The following FKBP15 variants were observed in gnomAD, a reference collection of about 807,000 sequenced individuals.
FKBP15 encodes the protein FKBP prolyl isomerase family member 15.
A neutral mutation model predicts 158.1 loss-of-function variants in FKBP15; 106 were observed. That is an observed-to-expected ratio of 0.67 (90% CI 0.57 to 0.79). The LOEUF is 0.79. Among genes scored for constraint, FKBP15 ranks in the 30% least tolerant of loss-of-function variants. The pLI is 0.00. For missense variants in FKBP15, 1,287 were observed against 1,479.1 expected (o/e 0.87, Z 2.13); for synonymous variants, 547 against 548.6 (o/e 1.00, Z 0.04).
intron 19 of FKBP15, among the ~76,000 whole-genome samples, chr9:113,180,485 G>A (rs530258450): frequency 1.0e-5 from 1 of 97,960 alleles, no homozygotes; most frequent in African/African-American, 3.5e-5. Context: ...CAAGTGAGAA[G>A]GGAAAACACA....
At chr9:113,213,727 C>T (rs1031324392) in intron 1 of FKBP15, among the ~76,000 whole-genome samples, 1 of 152,052 alleles carries the variant, frequency 6.6e-6, no homozygotes, top group African/African-American at 2.4e-5. Flanking sequence ...AGAGTTCCTA[C>T]CAAGAAGAAG....
chr9:113,218,218 C>T (rs901856999), intron 1 of FKBP15, among the ~76,000 whole-genome samples: 40 of 151,930 alleles, frequency 2.6e-4, no homozygotes, highest in African/African-American at 9.6e-4. Context: ...ACAACAATAG[C>T]ACATAGGCAG....
intron 9 of FKBP15, among the ~76,000 whole-genome samples, chr9:113,196,237 T>C (rs1177304473): frequency 1.3e-5 from 2 of 152,084 alleles, no homozygotes; most frequent in African/African-American, 4.8e-5. Flanking sequence ...TAGTAAAACG[T>C]ACACACACAC....
At position 113,184,212 on chromosome 9, in the gene FKBP15, G is replaced by A. The variant is rs1404763971; in HGVS notation, c.1716+80C>T. The A allele has an allele frequency of 2.2e-6, 2 of 903,834 alleles. No homozygotes were observed. Among genetic ancestry groups the A allele is most frequent in the South Asian group, 1.5e-5 (1 of 66,956 alleles). 56.0% of individuals were successfully genotyped at this position (903,834 alleles called of 1,614,324 possible). A position where few individuals can be genotyped will look rare whatever the true frequency, so the allele number is the denominator to read the frequency against. ...TATCACAGGCTATTTCTGGGGTGGA[G>A]GTGTTAAAGAGTAGTACCTCTGAGA... On this transcript the variant is annotated intron_variant, in intron 17 of 27. Coordinates refer to ENST00000238256, the MANE Select transcript of FKBP15 (RefSeq NM_015258.2). The surrounding 1 kb of genome is among the most constrained non-coding windows in gnomAD (Gnocchi z 4.5).
chr9:113,173,736 T>A, intron 22 of FKBP15, 131 bp from the exon 23 acceptor site: 2 of 879,756 alleles, frequency 2.3e-6, no homozygotes, highest in Non-Finnish European at 1.7e-6. Flanking sequence ...GGAAACTGTT[T>A]AAAAGACTCA....
At chr9:113,217,031 G>A (rs1373895894) in intron 1 of FKBP15, among the ~76,000 whole-genome samples, 1 of 150,126 alleles carries the variant, frequency 6.7e-6, no homozygotes, top group Non-Finnish European at 1.5e-5. Flanking sequence ...AGCCTCCTGA[G>A]CACCCGAGAT....
Position 113,162,841 on chromosome 9 carries a change from C to T in FKBP15, c.*3237G>A. ...ATGCTGGCCGTAATGTCCTACAACACCTGGATTTTCCTTGGTGTGGTCTTG... is the reference window on the plus strand; with the variant it reads ...ATGCTGGCCGTAATGTCCTACAACATCTGGATTTTCCTTGGTGTGGTCTTG... On this transcript the variant is annotated 3_prime_UTR_variant, in exon 28 of 28. Transcript: ENST00000238256. 1 of 1,613,744 alleles carries T rather than the reference C, an allele frequency of 6.2e-7. No individual in the cohort carries two copies. The highest frequency in any genetic ancestry group is 8.5e-7 in the Non-Finnish European group (1 of 1,179,838).
chr9:113,175,185 ACT>A (rs2118871762), intron 21 of FKBP15, among the ~76,000 whole-genome samples: 1 of 152,072 alleles, frequency 6.6e-6, no homozygotes, highest in East Asian at 1.9e-4. Flanking sequence ...GAATGGATAT[ACT>A]CTCTTTGGAT....
rs4184 is a variant in FKBP15 at position 113,165,734 on chromosome 9, AGAG to A, written c.*341_*343del. Reference sequence around the variant, plus strand: ...GCACAGTTGAGCACTGGATTCAGGTAGAGGAGGGCTCCCAGGTCAGTCTGAGAG... The same window carrying A: ...GCACAGTTGAGCACTGGATTCAGGTAGAGGGCTCCCAGGTCAGTCTGAGAG... On this transcript the variant is annotated 3_prime_UTR_variant, in exon 28 of 28. Coordinates refer to ENST00000238256, the MANE Select transcript of FKBP15 (RefSeq NM_015258.2). 0.31 allele frequency: 66,277 copies of A among 213,748 alleles called. 10,746 individuals are homozygous for A. The highest frequency in any genetic ancestry group is 0.34 in the Middle Eastern group (173 of 506). The allele number at this position is 213,748 out of a possible 1,614,324, so 13.2% of individuals were successfully genotyped here.
At position 113,163,267 on chromosome 9, in the gene FKBP15, G is replaced by A. The variant is rs1481992179; in HGVS notation, c.*2811C>T. The A allele has an allele frequency of 4.7e-5, 8 of 168,780 alleles. No individual in the cohort carries two copies. The East Asian group carries it at 1.2e-3, about 25-fold the overall frequency. The allele number at this position is 168,780 out of a possible 1,614,324, so 10.5% of individuals were successfully genotyped here. A position where few individuals can be genotyped will look rare whatever the true frequency, so the allele number is the denominator to read the frequency against. On this transcript the variant is annotated 3_prime_UTR_variant, in exon 28 of 28. Transcript: ENST00000238256. ...CCAAAGATTTCAAGCCAGGGAGAAG[G>A]GTTCTTGGTGATGCAGGGCATGGAA...
intron 24 of FKBP15, among the ~76,000 whole-genome samples, chr9:113,170,872 T>C (rs1301918234): frequency 6.6e-6 from 1 of 152,176 alleles, no homozygotes; most frequent in African/African-American, 2.4e-5. Flanking sequence ...AGCTGTGGTC[T>C]GTGTGCCCAA....
intron 4 of FKBP15, 35 bp from the exon 5 acceptor site, chr9:113,203,070 A>T (rs1376136857): frequency 8.1e-7 from 1 of 1,227,396 alleles, no homozygotes; most frequent in African/African-American, 1.5e-5. Context: ...AAAAAAAAAA[A>T]GAGAGACAGC....
In FKBP15 at chr9:113,169,717, C is replaced by T; in HGVS notation, c.2992G>A (p.Ala998Thr). Residue 998 changes from alanine (A) to threonine (T), a missense_variant, in exon 26 of 28, where the codon GCC becomes ACC. Coordinates refer to ENST00000238256, the MANE Select transcript of FKBP15 (RefSeq NM_015258.2). ...VEEAVPLPPQALTTSQDGHRR... is the reference protein window; with the variant it reads ...VEEAVPLPPQTLTTSQDGHRR... ...TGTCCATCCTGGGAAGTGGTGAGGG[C>T]CTGAGGAGGCAACGGGACAGCTTCC... 1 of 1,613,708 alleles carries T rather than the reference C, an allele frequency of 6.2e-7. No individual in the cohort carries two copies. The highest frequency in any genetic ancestry group is 8.5e-7 in the Non-Finnish European group (1 of 1,179,788).
At chr9:113,203,634 TCTC>T (rs1173620830) in intron 4 of FKBP15, among the ~76,000 whole-genome samples, 1 of 151,708 alleles carries the variant, frequency 6.6e-6, no homozygotes, top group East Asian at 1.9e-4. Flanking sequence ...TTCAAGCAAT[TCTC>T]CTGCCTCAGG....
intron 6 of FKBP15, among the ~76,000 whole-genome samples, chr9:113,201,349 C>A (rs1325766295): frequency 2.6e-5 from 4 of 152,106 alleles, no homozygotes; most frequent in African/African-American, 9.7e-5. Context: ...AAAATGCTCA[C>A]CACGGTATCA....
chr9:113,179,094 G>A (rs553339512), intron 19 of FKBP15, among the ~76,000 whole-genome samples: 40 of 151,402 alleles, frequency 2.6e-4, no homozygotes, highest in African/African-American at 2.4e-4. Flanking sequence ...GCAATGACAC[G>A]ACATAGCTCA....
chr9:113,209,821 C>T (rs1023535535), intron 2 of FKBP15, among the ~76,000 whole-genome samples: 1 of 152,360 alleles, frequency 6.6e-6, no homozygotes, highest in East Asian at 1.9e-4. Context: ...CTCCTCTGCT[C>T]AGCTCATCAC....
intron 9 of FKBP15, among the ~76,000 whole-genome samples, chr9:113,194,450 T>TA (rs540298480): frequency 0.33 from 48,401 of 144,718 alleles, 8,207 homozygotes; most frequent in African/African-American, 0.38. Context: ...ATAAATAAAT[T>TA]AAAAAAAAAA....
In FKBP15 at chr9:113,167,032, C is replaced by T. The variant is rs116078347; in HGVS notation, c.3583-877G>A. On this transcript the variant is annotated intron_variant, in intron 27 of 27. Transcript: ENST00000238256. The stretch of plus-strand genomic sequence containing the variant: ...TATACAAGTCTCTGGGCTAATCCCA[C>T]GTCACTACCAATTAGCCAGACCTCG... 4.0e-3 allele frequency among the ~76,000 whole-genome samples: 617 copies of T among 152,358 alleles called. 2 individuals are homozygous for T. The highest frequency in any genetic ancestry group is 8.3e-3 in the African/African-American group (347 of 41,574).
Sources: gnomAD v4.1 joint callset for allele counts (sites outside exome capture counted in the v4.1 genomes callset) on GRCh38, gnomAD v4.1.1 for gene constraint, Gnocchi (gnomAD v3.1) non-coding constraint, MANE v1.5 for transcripts, NCBI Gene and HGNC (gene_info 2026-07-23, HGNC 2026-07-21) for gene names.